The following GRID2 variants were observed in gnomAD, a reference collection of about 807,000 sequenced individuals.
The protein encoded by GRID2 is glutamate receptor ionotropic, delta-2.
GRID2 carries 33 observed loss-of-function variants against 114.8 expected under a neutral mutation model. The observed-to-expected ratio is 0.29, with a 90% CI of 0.22 to 0.38. The LOEUF (loss-of-function observed/expected upper bound fraction) is 0.38. GRID2 is among the 10% of genes least tolerant of loss of function. The pLI is 1.00. For missense variants in GRID2, 1,184 were observed against 1,257.7 expected (o/e 0.94, Z 0.89); for synonymous variants, 505 against 449.9 (o/e 1.12, Z -1.55).
chr4:92,561,460 T>C (rs757200558), intron 1 of GRID2, among the ~76,000 whole-genome samples: 16 of 152,202 alleles, frequency 1.1e-4, no homozygotes, highest in Non-Finnish European at 2.1e-4. Flanking sequence ...TTCATACCAG[T>C]AGGTATTCCA....
intron 14 of GRID2, among the ~76,000 whole-genome samples, chr4:93,706,473 A>C (rs1327947791): frequency 6.6e-6 from 1 of 152,046 alleles, no homozygotes; most frequent in Non-Finnish European, 1.5e-5. Context: ...TCTTATGTGT[A>C]CTTATTGTAA....
chr4:93,671,629 G>A (rs745680735), intron 14 of GRID2, among the ~76,000 whole-genome samples: 1 of 152,132 alleles, frequency 6.6e-6, no homozygotes, highest in African/African-American at 2.4e-5. Context: ...TTAGAAACAT[G>A]AAAGTTAAAT....
chr4:92,956,430 A>T (rs190759601), intron 2 of GRID2, among the ~76,000 whole-genome samples: 1 of 152,192 alleles, frequency 6.6e-6, no homozygotes, highest in Non-Finnish European at 1.5e-5. Flanking sequence ...GCCTTACTGT[A>T]TCCACAGTTT....
intron 2 of GRID2, among the ~76,000 whole-genome samples, chr4:92,637,612 A>G (rs1251914787): frequency 1.3e-5 from 2 of 152,052 alleles, no homozygotes; most frequent in African/African-American, 2.4e-5. Context: ...TTAATGGATT[A>G]TGGATTAGTG....
At chr4:93,708,239 GT>G (rs1418925157) in intron 14 of GRID2, among the ~76,000 whole-genome samples, 1 of 151,918 alleles carries the variant, frequency 6.6e-6, no homozygotes, top group Non-Finnish European at 1.5e-5. Context: ...CACTAGTCCA[GT>G]GTTTCTTTGT....
chr4:93,696,133 A>C (rs1438687956), intron 14 of GRID2, among the ~76,000 whole-genome samples: 1 of 152,212 alleles, frequency 6.6e-6, no homozygotes, highest in Non-Finnish European at 1.5e-5. Flanking sequence ...TTCCCAGCTG[A>C]TGAAGTATAA....
chr4:93,647,269 C>T (rs1009812000), intron 14 of GRID2, among the ~76,000 whole-genome samples: 4 of 152,070 alleles, frequency 2.6e-5, no homozygotes, highest in African/African-American at 7.2e-5. Flanking sequence ...CTTCATTATA[C>T]GCTTTTGACT....
At chr4:93,533,121 T>G (rs181845512) in intron 13 of GRID2, among the ~76,000 whole-genome samples, 191 of 152,256 alleles carry the variant, frequency 1.3e-3, no homozygotes, top group African/African-American at 4.4e-3. Flanking sequence ...CCAACAGTTG[T>G]CCCACCTTTT....
intron 10 of GRID2, 68 bp downstream of exon 10, chr4:93,423,036 C>A: frequency 9.7e-7 from 1 of 1,028,156 alleles, no homozygotes; most frequent in Non-Finnish European, 1.5e-6. Flanking sequence ...CCTAAAGGTT[C>A]AACAGTAACA....
chr4:93,205,681 G>A (rs1490588005), intron 4 of GRID2, among the ~76,000 whole-genome samples: 1 of 152,110 alleles, frequency 6.6e-6, no homozygotes, highest in African/African-American at 2.4e-5. Context: ...CCAGTAATGG[G>A]ATGGCTGGGT....
intron 1 of GRID2, among the ~76,000 whole-genome samples, chr4:92,534,119 A>T (rs1035646894): frequency 6.6e-6 from 1 of 152,126 alleles, no homozygotes; most frequent in African/African-American, 2.4e-5. Context: ...ATAAATTCAC[A>T]GTCTAACAAT....
At chr4:93,676,509 C>A (rs887914740) in intron 14 of GRID2, among the ~76,000 whole-genome samples, 3 of 152,126 alleles carry the variant, frequency 2.0e-5, no homozygotes, top group African/African-American at 7.2e-5. Flanking sequence ...TACCCATTTT[C>A]CGTGGCTTCT....
chr4:92,853,397 T>G (rs1578313591), intron 2 of GRID2, among the ~76,000 whole-genome samples: 1 of 152,178 alleles, frequency 6.6e-6, no homozygotes, highest in African/African-American at 2.4e-5. Context: ...ATGAAGATTT[T>G]TTGTTTTATC....
chr4:93,290,184 A>G (rs1458119362), intron 8 of GRID2, among the ~76,000 whole-genome samples: 1 of 152,154 alleles, frequency 6.6e-6, no homozygotes, highest in Non-Finnish European at 1.5e-5. Flanking sequence ...TTAAAAATAA[A>G]TTTCATGTTC....
intron 2 of GRID2, among the ~76,000 whole-genome samples, chr4:92,918,634 C>T (rs1005083003): frequency 4.6e-5 from 7 of 152,050 alleles, no homozygotes; most frequent in Non-Finnish European, 7.4e-5. Flanking sequence ...GTTGGTTCTG[C>T]TTATATGCTG....
chr4:93,709,843 A>T (rs1487171781), intron 14 of GRID2, among the ~76,000 whole-genome samples: 1 of 152,088 alleles, frequency 6.6e-6, no homozygotes, highest in Non-Finnish European at 1.5e-5. Context: ...TTCTTGATCA[A>T]TTCTACTGTT....
chr4:93,284,300 G>A (rs1172854087), intron 8 of GRID2, among the ~76,000 whole-genome samples: 2 of 151,876 alleles, frequency 1.3e-5, no homozygotes, highest in African/African-American at 2.4e-5. Flanking sequence ...AACCACTAAA[G>A]CCTGTCATCA....
At position 92,711,194 on chromosome 4, in the gene GRID2, A is replaced by G. The variant is rs142208577; in HGVS notation, c.244+120908A>G. On this transcript the variant is annotated intron_variant, in intron 2 of 15. Coordinates refer to ENST00000282020, the MANE Select transcript of GRID2 (RefSeq NM_001510.4). The stretch of plus-strand genomic sequence containing the variant: ...CAAAAGTAAAATTTTAAAATGAAGT[A>G]TGTATTCAGACCCTTTAGAGACATG... 5.9e-5 allele frequency among the ~76,000 whole-genome samples: 9 copies of G among 152,258 alleles called. No individual in the cohort carries two copies. The East Asian group carries it at 1.7e-3, about 29-fold the overall frequency.
chr4:92,791,804 C>G (rs1463404758), intron 2 of GRID2, among the ~76,000 whole-genome samples: 2 of 151,686 alleles, frequency 1.3e-5, no homozygotes, highest in African/African-American at 4.8e-5. Context: ...GTGTTAGTTC[C>G]ATGATTTTAC....
Sources: gnomAD v4.1 joint callset for allele counts (sites outside exome capture counted in the v4.1 genomes callset) on GRCh38, gnomAD v4.1.1 for gene constraint, MANE v1.5 for transcripts, NCBI Gene and HGNC (gene_info 2026-07-23, HGNC 2026-07-21) for gene names.